KCNMA1: variants seen among roughly 807,000 people sequenced by gnomAD.
KCNMA1 encodes potassium calcium-activated channel subfamily M alpha 1.
Under a neutral mutation model 140.0 loss-of-function variants are expected in KCNMA1, and 29 were observed. The observed-to-expected ratio is 0.21, with a 90% confidence interval of 0.15 to 0.28. KCNMA1 has a LOEUF of 0.28. Among genes scored for constraint, KCNMA1 ranks in the 10% least tolerant of loss-of-function variants. The pLI is 1.00. For synonymous variants in KCNMA1, 612 were observed against 611.9 expected (o/e 1.00, Z 0.00); for missense variants, 880 against 1,602.2 (o/e 0.55, Z 7.70).
chr10:76,924,450 T>C (rs1330763650), intron 23 of KCNMA1, among the ~76,000 whole-genome samples: 1 of 152,320 alleles, frequency 6.6e-6, no homozygotes, highest in East Asian at 1.9e-4. Context: ...GTTTCTATAA[T>C]TGCTAAATTT....
At chr10:77,386,469 T>C (rs1280712600) in intron 2 of KCNMA1, among the ~76,000 whole-genome samples, 1 of 152,180 alleles carries the variant, frequency 6.6e-6, no homozygotes, top group Admixed American at 6.5e-5. Context: ...TCAGCCGTCT[T>C]CCAAGCTCTA....
intron 2 of KCNMA1, among the ~76,000 whole-genome samples, chr10:77,343,742 G>A (rs1603259485): frequency 6.6e-6 from 1 of 152,182 alleles, no homozygotes; most frequent in South Asian, 2.1e-4. Context: ...GGCAGGAAAA[G>A]GTAAGTAAGT....
chr10:77,461,273 T>C (rs1490896554), intron 1 of KCNMA1, among the ~76,000 whole-genome samples: 1 of 152,012 alleles, frequency 6.6e-6, no homozygotes, highest in Non-Finnish European at 1.5e-5. Context: ...CCTCCCTCTT[T>C]TCTTAGCCAC....
At chr10:77,399,010 G>A (rs2096168931) in intron 2 of KCNMA1, among the ~76,000 whole-genome samples, 1 of 152,200 alleles carries the variant, frequency 6.6e-6, no homozygotes, top group South Asian at 2.1e-4. Flanking sequence ...AATGAGAGGA[G>A]AGATGATGAA....
At position 77,403,945 on chromosome 10, in the gene KCNMA1, C is replaced by A. The variant is rs1459098298; in HGVS notation, c.457G>T (p.Ala153Ser). The A allele has an allele frequency of 6.2e-7, 1 of 1,614,156 alleles. No homozygotes were observed. The highest frequency in any genetic ancestry group is 8.5e-7 in the Non-Finnish European group (1 of 1,180,042). The change falls in exon 2 of 28, where the codon GCC (alanine) becomes TCC (serine). Residue 153 changes from alanine (A) to serine (S), a missense_variant. Transcript: ENST00000286628. ...GAGGTCATCCAGCCGACCTCGGCGG[C>A]CACTGCCTCCTCTTTTTCATCCACT... The part of the protein sequence containing the change: ...KPVDEKEEAV[A>S]AEVGWMTSVK...
chr10:77,223,480 C>A (rs1046756072), intron 3 of KCNMA1, among the ~76,000 whole-genome samples: 59 of 152,264 alleles, frequency 3.9e-4, no homozygotes, highest in African/African-American at 1.4e-3. Context: ...GCAGAATAAT[C>A]AGAGTGTATC....
At chr10:76,878,928 G>C (rs2033362121) in intron 29 of KCNMA1, among the ~76,000 whole-genome samples, 1 of 152,054 alleles carries the variant, frequency 6.6e-6, no homozygotes, top group South Asian at 2.1e-4. Flanking sequence ...GTGGCTTAGG[G>C]AAAGAAAAGA....
At chr10:77,614,571 A>G (rs1314010868) in intron 1 of KCNMA1, among the ~76,000 whole-genome samples, 2 of 152,174 alleles carry the variant, frequency 1.3e-5, no homozygotes, top group African/African-American at 4.8e-5. Context: ...CATCACAAAA[A>G]TGGGAGCCAT....
chr10:76,899,672 A>T (rs1021534241), intron 25 of KCNMA1, among the ~76,000 whole-genome samples: 14 of 152,138 alleles, frequency 9.2e-5, no homozygotes, highest in African/African-American at 3.4e-4. Flanking sequence ...TTGCTGATCC[A>T]TTCCTTAGTA....
chr10:77,469,348 G>A (rs575193753), intron 1 of KCNMA1, among the ~76,000 whole-genome samples: 1 of 152,286 alleles, frequency 6.6e-6, no homozygotes, highest in Non-Finnish European at 1.5e-5. Flanking sequence ...TCAAGATGAG[G>A]TGAAGAGCAG....
At chr10:77,324,133 G>A (rs1565977632) in intron 2 of KCNMA1, among the ~76,000 whole-genome samples, 1 of 152,164 alleles carries the variant, frequency 6.6e-6, no homozygotes, top group Non-Finnish European at 1.5e-5. Flanking sequence ...AGCCACTGTG[G>A]GCTACTGGAG....
At chr10:77,010,944 G>C (rs1471860191) in intron 18 of KCNMA1, among the ~76,000 whole-genome samples, 1 of 151,884 alleles carries the variant, frequency 6.6e-6, no homozygotes. Context: ...AGGCCTTCAG[G>C]TGTGCCCAAA....
At position 76,886,443 on chromosome 10, in the gene KCNMA1, AT is replaced by A; in HGVS notation, c.*822del. On this transcript the variant is annotated 3_prime_UTR_variant, in exon 28 of 28. Coordinates refer to ENST00000286628, the MANE Select transcript of KCNMA1 (RefSeq NM_001161352.2). ...AAATGTCAAAAGTGAAAGAAAAAAAATAGCTATTCATATGGCAACATAAGGA... is the reference window on the plus strand; with the variant it reads ...AAATGTCAAAAGTGAAAGAAAAAAAAAGCTATTCATATGGCAACATAAGGA... 2 of 985,188 alleles carry A rather than the reference AT, an allele frequency of 2.0e-6. No homozygotes were observed. Among genetic ancestry groups the A allele is most frequent in the Non-Finnish European group, 2.4e-6 (2 of 829,704 alleles). 61.0% of individuals were successfully genotyped at this position (985,188 alleles called of 1,614,324 possible). A position where few individuals can be genotyped will look rare whatever the true frequency, so the allele number is the denominator to read the frequency against.
chr10:76,938,037 G>A (rs569747312), intron 23 of KCNMA1, among the ~76,000 whole-genome samples: 2 of 152,038 alleles, frequency 1.3e-5, no homozygotes, highest in East Asian at 1.9e-4. Flanking sequence ...TGGGACATTC[G>A]GGACAGGCTC....
At chr10:77,363,676 A>G (rs961727398) in intron 2 of KCNMA1, among the ~76,000 whole-genome samples, 2 of 152,244 alleles carry the variant, frequency 1.3e-5, no homozygotes, top group East Asian at 3.9e-4. Flanking sequence ...TGGCCATCCA[A>G]TTCAGACTCC....
At chr10:77,048,058 G>A (rs2095174832) in intron 14 of KCNMA1, among the ~76,000 whole-genome samples, 1 of 150,320 alleles carries the variant, frequency 6.7e-6, no homozygotes, top group African/African-American at 2.5e-5. Flanking sequence ...CAAGGCAGGA[G>A]GATCGTTTGA....
intron 22 of KCNMA1, 27 bp downstream of exon 22, chr10:76,949,115 G>T: frequency 6.8e-7 from 1 of 1,472,966 alleles, no homozygotes; most frequent in Non-Finnish European, 9.5e-7. Context: ...AGAAGAAAAG[G>T]CATCAATAAT....
intron 2 of KCNMA1, among the ~76,000 whole-genome samples, chr10:77,348,012 G>T (rs1747055845): frequency 6.6e-6 from 1 of 152,166 alleles, no homozygotes; most frequent in African/African-American, 2.4e-5. Flanking sequence ...GATTCACATG[G>T]TTGCATCAAA....
At chr10:77,169,317 A>C (rs75191754) in intron 5 of KCNMA1, among the ~76,000 whole-genome samples, 6,063 of 152,248 alleles carry the variant, frequency 0.04, 356 homozygotes, top group African/African-American at 0.13. Flanking sequence ...CTGGAGAAGA[A>C]GGCTAGGTGA....
Sources: allele counts gnomAD v4.1 joint callset (sites outside exome capture counted in the v4.1 genomes callset), GRCh38; gene constraint gnomAD v4.1.1; transcripts MANE v1.5; gene names NCBI Gene and HGNC (gene_info 2026-07-23, HGNC 2026-07-21).